WWTR1: variants seen among roughly 807,000 people sequenced by gnomAD.
The protein encoded by WWTR1 is WW domain-containing transcription regulator protein 1.
WWTR1 carries 13 observed loss-of-function variants against 40.1 expected under a neutral mutation model. The ratio of observed to expected loss-of-function variants is 0.32; its 90% CI spans 0.21 to 0.52. WWTR1 has a LOEUF of 0.52. Among genes scored for constraint, WWTR1 ranks in the 20% least tolerant of loss-of-function variants. WWTR1 has a pLI of 0.97. For synonymous variants in WWTR1, 230 were observed against 210.1 expected (o/e 1.09, Z -0.82); for missense variants, 436 against 523.1 (o/e 0.83, Z 1.63).
intron 2 of WWTR1, among the ~76,000 whole-genome samples, chr3:149,578,672 T>G (rs937916552): frequency 6.6e-6 from 1 of 151,902 alleles, no homozygotes; most frequent in East Asian, 1.9e-4. Context: ...CCGAGGCGGG[T>G]GGATCACCTG....
intron 2 of WWTR1, among the ~76,000 whole-genome samples, chr3:149,619,648 A>G (rs1740175948): frequency 6.6e-6 from 1 of 152,150 alleles, no homozygotes; most frequent in African/African-American, 2.4e-5. Context: ...AAACAGGTAT[A>G]TAGCACTGGT....
intron 2 of WWTR1, chr3:149,575,953 A>C (rs1004093893): frequency 2.2e-6 from 1 of 456,560 alleles, no homozygotes; most frequent in Admixed American, 2.3e-5. Flanking sequence ...TCCACGGCCC[A>C]CCCTTCAAAC....
intron 2 of WWTR1, among the ~76,000 whole-genome samples, chr3:149,590,881 G>A (rs1576583072): frequency 6.6e-6 from 1 of 152,098 alleles, no homozygotes; most frequent in South Asian, 2.1e-4. Flanking sequence ...CTTTGTCCTG[G>A]AACAATATCT....
At chr3:149,545,069 A>T (rs1426300822) in intron 3 of WWTR1, among the ~76,000 whole-genome samples, 1 of 152,214 alleles carries the variant, frequency 6.6e-6, no homozygotes, top group East Asian at 1.9e-4. Flanking sequence ...ACACTCTTAG[A>T]TTAAGAACAA....
At chr3:149,635,037 A>G (rs1711740579) in intron 2 of WWTR1, among the ~76,000 whole-genome samples, 2 of 152,206 alleles carry the variant, frequency 1.3e-5, no homozygotes, top group Non-Finnish European at 2.9e-5. Context: ...ACATTCTGTG[A>G]TCTTGACCAA....
rs549478611 is a variant in WWTR1 at position 149,696,733 on chromosome 3, C to T, written c.-108+6391G>A. 1.2e-4 allele frequency among the ~76,000 whole-genome samples: 19 copies of T among 152,306 alleles called. No individual in the cohort carries two copies. The South Asian group carries it at 2.5e-3, about 20-fold the overall frequency. On this transcript the variant is annotated intron_variant, in intron 1 of 7. Transcript: ENST00000465804. ...GTTCTCCCCTGTGGCAGCCTCTCAA[C>T]GAGCATGGCGTTTTTGAATTCATTC... is the stretch of plus-strand genomic sequence containing the variant.
At chr3:149,648,540 G>A (rs1712664726) in intron 2 of WWTR1, among the ~76,000 whole-genome samples, 1 of 152,168 alleles carries the variant, frequency 6.6e-6, no homozygotes, top group Non-Finnish European at 1.5e-5. Flanking sequence ...AGTGGGAGCT[G>A]CAAGTTGGGG....
intron 2 of WWTR1, among the ~76,000 whole-genome samples, chr3:149,599,183 G>A (rs1157325723): frequency 6.6e-6 from 1 of 152,200 alleles, no homozygotes; most frequent in East Asian, 1.9e-4. Context: ...ATATTGGAAG[G>A]AAGATTTGAT....
In WWTR1 at chr3:149,527,984, G is replaced by A; in HGVS notation, c.772-15C>T. 6.2e-7 allele frequency: 1 copy of A among 1,611,932 alleles called. No homozygotes were observed. The highest frequency in any genetic ancestry group is 8.5e-7 in the Non-Finnish European group (1 of 1,179,004). ...AGGGCAGCTTCCTACAGTCAGAATG[G>A]GAAGCAAGAGTCATGCACTCATTGT... is the stretch of plus-strand genomic sequence containing the variant. On this transcript the variant is annotated splice_polypyrimidine_tract_variant and intron_variant, in intron 4 of 6. Coordinates refer to ENST00000360632, the MANE Select transcript of WWTR1 (RefSeq NM_015472.6).
intron 1 of WWTR1, chr3:149,670,643 C>CAAAAAAAAAAAAAAAAAAAA (rs5853435): frequency 2.0e-5 from 2 of 101,140 alleles, no homozygotes; most frequent in African/African-American, 8.2e-5. Flanking sequence ...GACTCCGTCT[C>CAAAAAAAAAAAAAAAAAAAA]AAAAAAAAAA....
At chr3:149,536,936 C>T (rs1248208967) in intron 4 of WWTR1, among the ~76,000 whole-genome samples, 2 of 152,068 alleles carry the variant, frequency 1.3e-5, no homozygotes, top group African/African-American at 4.8e-5. Flanking sequence ...AAAGATGGCC[C>T]CAAACCGTTA....
intron 6 of WWTR1, among the ~76,000 whole-genome samples, chr3:149,524,401 A>G (rs899838294): frequency 1.7e-5 from 2 of 116,814 alleles, no homozygotes; most frequent in African/African-American, 6.5e-5. Context: ...TTTGCTTTTT[A>G]TCCTTACTGG....
At chr3:149,689,269 T>G (rs1714742441) in intron 1 of WWTR1, among the ~76,000 whole-genome samples, 2 of 150,730 alleles carry the variant, frequency 1.3e-5, no homozygotes. Context: ...TAGTCCCAGC[T>G]ACTTGGGAGG....
intron 2 of WWTR1, among the ~76,000 whole-genome samples, chr3:149,640,388 C>T (rs1005289828): frequency 6.6e-6 from 1 of 152,136 alleles, no homozygotes; most frequent in Non-Finnish European, 1.5e-5. Flanking sequence ...ATGCTTTTGT[C>T]TATAGATAAA....
intron 1 of WWTR1, among the ~76,000 whole-genome samples, chr3:149,700,622 A>C (rs1241923554): frequency 6.6e-6 from 1 of 152,158 alleles, no homozygotes; most frequent in Non-Finnish European, 1.5e-5. Flanking sequence ...ATTAAATTAA[A>C]TTGGAGCAAT....
intron 4 of WWTR1, among the ~76,000 whole-genome samples, chr3:149,720,990 T>C (rs1205699073): frequency 6.6e-6 from 1 of 152,214 alleles, no homozygotes. Flanking sequence ...TTGCTGAATT[T>C]ATTAATTGTA....
At position 149,528,292 on chromosome 3, in the gene WWTR1, T is replaced by A. The variant is rs559814868; in HGVS notation, c.772-323A>T. 7.2e-5 allele frequency among the ~76,000 whole-genome samples: 11 copies of A among 152,302 alleles called. No individual in the cohort carries two copies. The South Asian group carries it at 2.3e-3, about 32-fold the overall frequency. On this transcript the variant is annotated intron_variant, in intron 4 of 6. Coordinates refer to ENST00000360632, the MANE Select transcript of WWTR1 (RefSeq NM_015472.6). ...CAAAACACTTTGTCAGAGACAAGGCTTTTTCTATCTCAGGTTCTCAAACCA... is the reference window on the plus strand; with the variant it reads ...CAAAACACTTTGTCAGAGACAAGGCATTTTCTATCTCAGGTTCTCAAACCA...
chr3:149,577,161 G>GAACAAACA (rs146268231), intron 2 of WWTR1, among the ~76,000 whole-genome samples: 2 of 151,762 alleles, frequency 1.3e-5, no homozygotes, highest in African/African-American at 4.9e-5. Flanking sequence ...CAGTCTCAAA[G>GAACAAACA]AACAAACAAA....
Position 149,520,171 on chromosome 3 carries a change from A to T in WWTR1, c.*634T>A, listed in dbSNP as rs1156553759. 1 of 152,230 alleles carries T rather than the reference A, an allele frequency of 6.6e-6. No homozygotes were observed. The highest frequency in any genetic ancestry group is 1.9e-4 in the East Asian group (1 of 5,202). 9.4% of individuals were successfully genotyped at this position (152,230 alleles called of 1,614,324 possible). A position where few individuals can be genotyped will look rare whatever the true frequency, so the allele number is the denominator to read the frequency against. On this transcript the variant is annotated 3_prime_UTR_variant, in exon 7 of 7. Transcript: ENST00000360632. ...AGTTGTCTAGATGCTCTGCAGTAAA[A>T]TAACGAAAGATAAGCTACAATAGGA...
Sources: gnomAD v4.1 joint callset for allele counts (sites outside exome capture counted in the v4.1 genomes callset) on GRCh38, gnomAD v4.1.1 for gene constraint, MANE v1.5 for transcripts, NCBI Gene and HGNC (gene_info 2026-07-23, HGNC 2026-07-21) for gene names.